Variants in DVL3 observed in about 807,000 individuals in gnomAD.
DVL3 encodes the protein segment polarity protein dishevelled homolog DVL-3.
In DVL3, 27 loss-of-function variants were observed where a neutral mutation model predicts 67.4. The observed-to-expected ratio is 0.40, with a 90% CI of 0.30 to 0.55. DVL3 has a LOEUF of 0.55. DVL3 is among the 20% of genes least tolerant of loss of function. The probability of loss-of-function intolerance (pLI) is 0.46; values close to 1 mark genes in which losing one functional copy is unlikely to be tolerated. For synonymous variants in DVL3, 369 were observed against 396.8 expected, an observed-to-expected ratio of 0.93 and a Z score of 0.83; for missense variants, 819 against 1,021.5, an observed-to-expected ratio of 0.80 and a Z score of 2.70.
Position 184,170,988 on chromosome 3 carries a change from C to A in DVL3, c.*233C>A. ...GTTCGTTTCCTCTGCCCACTAATCC[C>A]TGCGCAGGACTTCCCAGGACCCCTT... On this transcript the variant is annotated 3_prime_UTR_variant, in exon 15 of 15. Coordinates refer to ENST00000313143, the MANE Select transcript of DVL3 (RefSeq NM_004423.4). This position sits in a 1 kb window ranked among gnomAD's most constrained non-coding sequence, Gnocchi z 6.5. The A allele has an allele frequency of 6.7e-7, 1 of 1,495,444 alleles. No homozygotes were observed. 92.6% of individuals were successfully genotyped at this position (1,495,444 alleles called of 1,614,324 possible). A position where few individuals can be genotyped will look rare whatever the true frequency, so the allele number is the denominator to read the frequency against.
In DVL3 at chr3:184,171,045, C is replaced by A. The variant is rs1237388514; in HGVS notation, c.*290C>A. 2 of 1,336,358 alleles carry A rather than the reference C, an allele frequency of 1.5e-6. No individual in the cohort carries two copies. Among genetic ancestry groups the A allele is most frequent in the Non-Finnish European group, 1.9e-6 (2 of 1,034,230 alleles). The allele number at this position is 1,336,358 out of a possible 1,614,324, so 82.8% of individuals were successfully genotyped here. On this transcript the variant is annotated 3_prime_UTR_variant, in exon 15 of 15. Coordinates refer to ENST00000313143, the MANE Select transcript of DVL3 (RefSeq NM_004423.4). Reference sequence around the variant, plus strand: ...CTGGGACCAGACTTGTTGGTGCTACCCCTTACTCCCCTCTGCAACCCCCAT... The same window carrying A: ...CTGGGACCAGACTTGTTGGTGCTACACCTTACTCCCCTCTGCAACCCCCAT...
In DVL3 at chr3:184,171,008, C is replaced by A; in HGVS notation, c.*253C>A. On this transcript the variant is annotated 3_prime_UTR_variant, in exon 15 of 15. Coordinates refer to ENST00000313143, the MANE Select transcript of DVL3 (RefSeq NM_004423.4). Reference sequence around the variant, plus strand: ...AATCCCTGCGCAGGACTTCCCAGGACCCCTTTTGTCTCTGGGACCAGACTT... The same window carrying A: ...AATCCCTGCGCAGGACTTCCCAGGAACCCTTTTGTCTCTGGGACCAGACTT... The A allele has an allele frequency of 6.9e-6, 10 of 1,446,908 alleles. No homozygotes were observed. Among genetic ancestry groups the A allele is most frequent in the Middle Eastern group, 2.3e-4 (1 of 4,430 alleles). The allele number at this position is 1,446,908 out of a possible 1,614,324, so 89.6% of individuals were successfully genotyped here.
In DVL3 at chr3:184,161,395, C is replaced by T. The variant is rs535181476; in HGVS notation, c.162-2262C>T. ...TGGGCTGAGATTGCACCACTGGACTCCAGCCTGGGTGACAGAGCGAGACTC... is the reference window on the plus strand; with the variant it reads ...TGGGCTGAGATTGCACCACTGGACTTCAGCCTGGGTGACAGAGCGAGACTC... On this transcript the variant is annotated intron_variant, in intron 1 of 14. Transcript: ENST00000313143. 2.0e-4 allele frequency among the ~76,000 whole-genome samples: 31 copies of T among 152,248 alleles called. 2 individuals carry two copies. In the South Asian group the frequency reaches 6.2e-3, roughly 31 times the overall value.
rs138393220 is a variant in DVL3 at position 184,166,451 on chromosome 3, C to T, written c.909C>T (p.Asn303=). 1.2e-5 allele frequency: 20 copies of T among 1,614,044 alleles called. No homozygotes were observed. The highest frequency in any genetic ancestry group is 5.3e-5 in the African/African-American group (4 of 74,910). Residue 303 remains asparagine, a synonymous_variant, in exon 9 of 15, where the codon AAC becomes AAT. Transcript: ENST00000313143. This position sits in a 1 kb window ranked among gnomAD's most constrained non-coding sequence, Gnocchi z 6.7. ...IEPGDMLLQV[N]EINFENMSND... ...CACTCCTGGTCCTTTCCCAGGTAAA[C>T]GAGATCAACTTTGAGAACATGAGTA...
At position 184,165,540 on chromosome 3, in the gene DVL3, C is replaced by T; in HGVS notation, c.763+49C>T. On this transcript the variant is annotated intron_variant, in intron 7 of 14. Transcript: ENST00000313143. The surrounding 1 kb of genome is among the most constrained non-coding windows in gnomAD (Gnocchi z 4.1). ...TCAAGCACCTGCTATATGCCAGACA[C>T]TGGGCAGACTTGAGTTCAGAGAGCG... The T allele has an allele frequency of 1.4e-5, 22 of 1,535,730 alleles. No homozygotes were observed. The highest frequency in any genetic ancestry group is 2.0e-5 in the Non-Finnish European group (22 of 1,109,054).
rs1714513328 is a variant in DVL3, at chr3:184,164,743, C to T, written c.464-53C>T. 2 of 1,612,020 alleles carry T rather than the reference C, an allele frequency of 1.2e-6. No homozygotes were observed. Among genetic ancestry groups the T allele is most frequent in the Admixed American group, 1.7e-5 (1 of 59,920 alleles). ...AGCCCCTGGCTTGCCTCTCTCCCTCCTTCACCCCTGCACTGGGCACTGTGT... is the reference window on the plus strand; with the variant it reads ...AGCCCCTGGCTTGCCTCTCTCCCTCTTTCACCCCTGCACTGGGCACTGTGT... On this transcript the variant is annotated intron_variant, in intron 4 of 14. Coordinates refer to ENST00000313143, the MANE Select transcript of DVL3 (RefSeq NM_004423.4). The surrounding 1 kb of genome is among the most constrained non-coding windows in gnomAD (Gnocchi z 5.3).
At position 184,167,828 on chromosome 3, in the gene DVL3, A is replaced by G. The variant is rs1023873581; in HGVS notation, c.1331-70A>G. 6.2e-7 allele frequency: 1 copy of G among 1,610,686 alleles called. No homozygotes were observed. The highest frequency in any genetic ancestry group is 1.3e-5 in the African/African-American group (1 of 74,872). ...TTGATCTGGAGCCAGCCCCAGCCTC[A>G]TAGCTTCTGTGAGGCCAGATGAGTC... On this transcript the variant is annotated intron_variant, in intron 12 of 14. Transcript: ENST00000313143. The surrounding 1 kb of genome is among the most constrained non-coding windows in gnomAD (Gnocchi z 4.6).
rs532079779 is a variant in DVL3 at position 184,168,098 on chromosome 3, C to T, written c.1498+33C>T. The T allele has an allele frequency of 6.9e-6, 11 of 1,598,826 alleles. No individual in the cohort carries two copies. The South Asian group carries it at 1.1e-4, about 16-fold the overall frequency. ...CCTCCCTCATCTTCTTGCCCTGTCTCCTGGCTGGGAGTGGGGAGGTAGCCA... is the reference window on the plus strand; with the variant it reads ...CCTCCCTCATCTTCTTGCCCTGTCTTCTGGCTGGGAGTGGGGAGGTAGCCA... On this transcript the variant is annotated intron_variant, in intron 13 of 14. Coordinates refer to ENST00000313143, the MANE Select transcript of DVL3 (RefSeq NM_004423.4).
intron 13 of DVL3, among the ~76,000 whole-genome samples, chr3:184,169,023 C>T (rs1392866097): frequency 2.0e-5 from 3 of 152,134 alleles, no homozygotes; most frequent in African/African-American, 4.8e-5. Context: ...CCCTTCCCAC[C>T]CTACTCACCC....
In DVL3 at chr3:184,170,115, C is replaced by T. The variant is rs750545862; in HGVS notation, c.1608C>T (p.Phe536=). 6.2e-7 allele frequency: 1 copy of T among 1,614,000 alleles called. No individual in the cohort carries two copies. Among genetic ancestry groups the T allele is most frequent in the South Asian group, 1.1e-5 (1 of 91,084 alleles). ...GGGCCGCCCCTTGGCCCATGGCTTT[C>T]CCGTACCAGTACCCGCCACCCCCGC... ...HPGAAPWPMA[F]PYQYPPPPHP... is the part of the protein sequence containing the mutation. Residue 536 remains phenylalanine, a synonymous_variant, in exon 14 of 15, where the codon TTC becomes TTT. Transcript: ENST00000313143. The surrounding 1 kb of genome is among the most constrained non-coding windows in gnomAD (Gnocchi z 6.5).
At chr3:184,156,422 C>T in intron 1 of DVL3, 1 of 456,746 alleles carries the variant, frequency 2.2e-6, no homozygotes, top group African/African-American at 2.0e-5. Flanking sequence ...AGCCTGACCC[C>T]TGCGGAGTAG....
At position 184,166,981 on chromosome 3, in the gene DVL3, T is replaced by C; in HGVS notation, c.1198+6T>C. On this transcript the variant is annotated splice_donor_region_variant and intron_variant, in intron 11 of 14. Coordinates refer to ENST00000313143, the MANE Select transcript of DVL3 (RefSeq NM_004423.4). The surrounding 1 kb of genome is among the most constrained non-coding windows in gnomAD (Gnocchi z 6.7). ...TTCCATCCCTGACACAGAGCGTGAG[T>C]GTCCCACCCTGTCTCCTGGGCCCAG... The C allele has an allele frequency of 6.2e-7, 1 of 1,613,600 alleles. No individual in the cohort carries two copies.
In DVL3 at chr3:184,173,394, G is replaced by A. The variant is rs1379037897; in HGVS notation, c.*2639G>A. On this transcript the variant is annotated 3_prime_UTR_variant, in exon 15 of 15. Coordinates refer to ENST00000313143, the MANE Select transcript of DVL3 (RefSeq NM_004423.4). ...GGAGCATGGGATTTGGAGTTAGGTG[G>A]TTTTGGGTTTGAATTCCAGCTCTAC... 1 of 152,180 alleles carries A rather than the reference G, an allele frequency of 6.6e-6. No individual in the cohort carries two copies. The highest frequency in any genetic ancestry group is 2.4e-5 in the African/African-American group (1 of 41,438). 9.4% of individuals were successfully genotyped at this position (152,180 alleles called of 1,614,324 possible). A position where few individuals can be genotyped will look rare whatever the true frequency, so the allele number is the denominator to read the frequency against.
In DVL3 at chr3:184,155,692, G is replaced by C; in HGVS notation, c.57G>C (p.Val19=). The stretch of plus-strand genomic sequence containing the variant: ...ATGGGCAGGAGACGCCGTACCTTGT[G>C]AAGCTGCCCCTGCCCGCCGAGCGCG... ...HLDGQETPYL[V]KLPLPAERVT... is the part of the protein sequence containing the mutation. The change falls in exon 1 of 15, where the codon GTG becomes GTC. Residue 19 remains valine (V), a synonymous_variant. Transcript: ENST00000313143. The surrounding 1 kb of genome is among the most constrained non-coding windows in gnomAD (Gnocchi z 5.4). 1 of 1,612,856 alleles carries C rather than the reference G, an allele frequency of 6.2e-7. No individual in the cohort carries two copies. Among genetic ancestry groups the C allele is most frequent in the Non-Finnish European group, 8.5e-7 (1 of 1,179,748 alleles).
chr3:184,165,613 C>T lies in DVL3; in HGVS notation c.763+122C>T, dbSNP rs1377261897. 6.2e-6 allele frequency: 5 copies of T among 802,746 alleles called. No individual in the cohort carries two copies. Among genetic ancestry groups the T allele is most frequent in the Non-Finnish European group, 1.0e-5 (5 of 478,386 alleles). The allele number at this position is 802,746 out of a possible 1,614,324, so 49.7% of individuals were successfully genotyped here. A position where few individuals can be genotyped will look rare whatever the true frequency, so the allele number is the denominator to read the frequency against. On this transcript the variant is annotated intron_variant, in intron 7 of 14. Coordinates refer to ENST00000313143, the MANE Select transcript of DVL3 (RefSeq NM_004423.4). The surrounding 1 kb of genome is among the most constrained non-coding windows in gnomAD (Gnocchi z 4.1). Reference sequence around the variant, plus strand: ...AGGAGCTCTCTTTCGTAAACATCAGCTGATACATAAACTGATCATTTTAGT... The same window carrying T: ...AGGAGCTCTCTTTCGTAAACATCAGTTGATACATAAACTGATCATTTTAGT...
At chr3:184,161,033 G>C (rs1025838821) in intron 1 of DVL3, among the ~76,000 whole-genome samples, 3 of 152,230 alleles carry the variant, frequency 2.0e-5, no homozygotes, top group South Asian at 2.1e-4. Context: ...GGATGGGAGT[G>C]GGGAGGGCAG....
chr3:184,173,160 A>G lies in DVL3; in HGVS notation c.*2405A>G, dbSNP rs1388509372. On this transcript the variant is annotated 3_prime_UTR_variant, in exon 15 of 15. Transcript: ENST00000313143. ...TGGACATCTCTATGGACAGTTCCGT[A>G]TAGACTCAACTCATCTGCCCAACCA... 2 of 152,294 alleles carry G rather than the reference A, an allele frequency of 1.3e-5. No individual in the cohort carries two copies. The highest frequency in any genetic ancestry group is 6.5e-5 in the Admixed American group (1 of 15,282). 9.4% of individuals were successfully genotyped at this position (152,294 alleles called of 1,614,324 possible).
Position 184,168,061 on chromosome 3 carries a change from C to T in DVL3, c.1494C>T (p.Cys498=), listed in dbSNP as rs150607951. Residue 498 remains cysteine (C), a synonymous_variant, in exon 13 of 15, where the codon TGC becomes TGT. Coordinates refer to ENST00000313143, the MANE Select transcript of DVL3 (RefSeq NM_004423.4). ...GCTACTACATCTTCGGTGACCTCTG[C>T]GGCAGTATGTGCCTCCCTCATCTTC... ...EQCYYIFGDL[C]GNMANLSLHD... 47 of 1,613,502 alleles carry T rather than the reference C, an allele frequency of 2.9e-5. No homozygotes were observed. The highest frequency in any genetic ancestry group is 1.8e-4 in the Admixed American group (11 of 59,996).
At position 184,155,764 on chromosome 3, in the gene DVL3, G is replaced by A. The variant is rs1232572845; in HGVS notation, c.129G>A (p.Lys43=). 33 of 1,612,794 alleles carry A rather than the reference G, an allele frequency of 2.0e-5. No individual in the cohort carries two copies. Among genetic ancestry groups the A allele is most frequent in the Non-Finnish European group, 2.8e-5 (33 of 1,179,736 alleles). The part of the protein sequence containing the change: ...FKGVLQRPSY[K]FFFKSMDDDF... ...GCGTTTTGCAGCGACCCAGCTATAA[G>A]TTCTTCTTCAAGTCTATGGACGACG... Residue 43 remains lysine (K), a synonymous_variant, in exon 1 of 15, where the codon AAG becomes AAA. Coordinates refer to ENST00000313143, the MANE Select transcript of DVL3 (RefSeq NM_004423.4). The surrounding 1 kb of genome is among the most constrained non-coding windows in gnomAD (Gnocchi z 5.4).
Sources: allele counts gnomAD v4.1 joint callset (sites outside exome capture counted in the v4.1 genomes callset), GRCh38; gene constraint gnomAD v4.1.1; non-coding constraint Gnocchi (gnomAD v3.1); transcripts MANE v1.5; gene names NCBI Gene and HGNC (gene_info 2026-07-23, HGNC 2026-07-21).